The following MAST4 variants were observed in gnomAD, a reference collection of about 807,000 sequenced individuals.
MAST4 encodes the protein microtubule associated serine/threonine kinase family member 4.
Under a neutral mutation model 162.7 loss-of-function variants are expected in MAST4, and 89 were observed. The ratio of observed to expected loss-of-function variants is 0.55; its 90% CI spans 0.46 to 0.65. The LOEUF is 0.65. MAST4 is among the 30% of genes least tolerant of loss of function. MAST4 has a pLI of 0.00. For missense variants in MAST4, 3,153 were observed against 3,374.0 expected, an observed-to-expected ratio of 0.93 and a Z score of 1.62; for synonymous variants, 1,479 against 1,361.1, an observed-to-expected ratio of 1.09 and a Z score of -1.91.
intron 2 of MAST4, among the ~76,000 whole-genome samples, chr5:66,780,878 T>C (rs1754839870): frequency 1.3e-5 from 2 of 152,190 alleles, no homozygotes; most frequent in African/African-American, 4.8e-5. Flanking sequence ...CGCTGATTGG[T>C]GCGTTTACAA....
At chr5:66,955,375 T>C (rs75622213) in intron 4 of MAST4, among the ~76,000 whole-genome samples, 10,407 of 151,988 alleles carry the variant, frequency 0.068, 1,103 homozygotes, top group African/African-American at 0.23. Context: ...GGCAGGAGTG[T>C]GCTTGGTATA....
At chr5:66,649,450 C>T (rs1016192124) in intron 1 of MAST4, among the ~76,000 whole-genome samples, 2 of 152,174 alleles carry the variant, frequency 1.3e-5, no homozygotes, top group Non-Finnish European at 2.9e-5. Context: ...TACCCTCACC[C>T]TTTTGGTGTT....
At chr5:66,714,166 C>T (rs116096982) in intron 1 of MAST4, among the ~76,000 whole-genome samples, 5 of 152,296 alleles carry the variant, frequency 3.3e-5, no homozygotes, top group African/African-American at 1.2e-4. Flanking sequence ...AGATGACTCA[C>T]CCAAGCTGCT....
intron 19 of MAST4, among the ~76,000 whole-genome samples, chr5:67,137,198 G>A (rs1769771228): frequency 6.6e-6 from 1 of 152,098 alleles, no homozygotes. Flanking sequence ...TCAGCACCGT[G>A]ACCCAAGAAA....
intron 3 of MAST4, among the ~76,000 whole-genome samples, chr5:66,868,407 G>A (rs1250832596): frequency 1.3e-5 from 2 of 150,560 alleles, no homozygotes; most frequent in East Asian, 3.9e-4. Flanking sequence ...ATATATATAT[G>A]TGTGTATATG....
At chr5:67,143,701 C>T (rs960285089) in intron 21 of MAST4, among the ~76,000 whole-genome samples, 1 of 152,150 alleles carries the variant, frequency 6.6e-6, no homozygotes, top group Non-Finnish European at 1.5e-5. Flanking sequence ...TAAGGATTTC[C>T]CTGGAGAAGG....
intron 4 of MAST4, among the ~76,000 whole-genome samples, chr5:66,977,911 C>G (rs1748349708): frequency 6.6e-6 from 1 of 152,176 alleles, no homozygotes; most frequent in South Asian, 2.1e-4. Context: ...AACCTAGAAC[C>G]CAGTGATCAT....
At chr5:66,608,002 TTGAAA>T (rs1743004008) in intron 1 of MAST4, among the ~76,000 whole-genome samples, 1 of 152,168 alleles carries the variant, frequency 6.6e-6, no homozygotes, top group Non-Finnish European at 1.5e-5. Context: ...TGTATATATT[TTGAAA>T]TGAAATGATT....
At position 66,814,211 on chromosome 5, in the gene MAST4, C is replaced by G. The variant is rs538078852; in HGVS notation, c.642+25417C>G. Among the ~76,000 whole-genome samples the G allele has an allele frequency of 2.6e-5, 4 of 152,250 alleles. No individual in the cohort carries two copies. In the East Asian group the frequency reaches 5.8e-4, roughly 22 times the overall value. Reference sequence around the variant, plus strand: ...GTAACAAATTATGAAATCAGAATAACCTGTTTATGATCAACATGTACTTCA... The same window carrying G: ...GTAACAAATTATGAAATCAGAATAAGCTGTTTATGATCAACATGTACTTCA... On this transcript the variant is annotated intron_variant, in intron 3 of 28. Coordinates refer to ENST00000403625, the MANE Select transcript of MAST4 (RefSeq NM_001164664.2).
intron 3 of MAST4, among the ~76,000 whole-genome samples, chr5:66,790,732 A>G (rs947066692): frequency 1.3e-5 from 2 of 151,996 alleles, no homozygotes; most frequent in Non-Finnish European, 2.9e-5. Context: ...TAAAAGATAC[A>G]ATTAACCTGA....
intron 1 of MAST4, among the ~76,000 whole-genome samples, chr5:66,737,511 T>G (rs1254926696): frequency 6.6e-6 from 1 of 152,104 alleles, no homozygotes; most frequent in African/African-American, 2.4e-5. Flanking sequence ...ACCAAGGAAT[T>G]TGTCTGCCTA....
intron 1 of MAST4, among the ~76,000 whole-genome samples, chr5:66,740,436 G>T (rs1271042379): frequency 6.6e-6 from 1 of 152,220 alleles, no homozygotes; most frequent in Non-Finnish European, 1.5e-5. Context: ...GGAAAATGCT[G>T]TATTTTCTAC....
chr5:66,915,783 C>T (rs1245878338), intron 4 of MAST4, among the ~76,000 whole-genome samples: 1 of 152,210 alleles, frequency 6.6e-6, no homozygotes, highest in Non-Finnish European at 1.5e-5. Flanking sequence ...GGACACAGGT[C>T]CTCCTGCACT....
chr5:66,780,880 C>T (rs558488864), intron 2 of MAST4, among the ~76,000 whole-genome samples: 21 of 152,314 alleles, frequency 1.4e-4, no homozygotes, highest in African/African-American at 4.6e-4. Context: ...CTGATTGGTG[C>T]GTTTACAATC....
intron 3 of MAST4, among the ~76,000 whole-genome samples, chr5:66,813,417 A>G (rs1379956575): frequency 1.3e-5 from 2 of 152,226 alleles, no homozygotes; most frequent in Non-Finnish European, 2.9e-5. Context: ...AGACAAATGA[A>G]AGGAAACAGT....
chr5:67,046,044 A>G (rs1445311702), intron 4 of MAST4, among the ~76,000 whole-genome samples: 2 of 152,116 alleles, frequency 1.3e-5, no homozygotes, highest in African/African-American at 4.8e-5. Flanking sequence ...ATACACAAAT[A>G]CCATTGTGTT....
rs545000157 is a variant in MAST4, at chr5:67,004,270, T to TG, written c.675-50129dup. On this transcript the variant is annotated intron_variant, in intron 4 of 28. Coordinates refer to ENST00000403625, the MANE Select transcript of MAST4 (RefSeq NM_001164664.2). ...AGGCGCGGCCGGGGCTGGTGGGGGG[T>TG]GGGGGATGCAGGAAAGCTGGGGGCG... 2.9e-3 allele frequency among the ~76,000 whole-genome samples: 433 copies of TG among 149,374 alleles called. 1 individual carries two copies. The highest frequency in any genetic ancestry group is 0.01 in the African/African-American group (415 of 40,326).
intron 4 of MAST4, among the ~76,000 whole-genome samples, chr5:66,911,819 A>G (rs1378898867): frequency 5.3e-5 from 8 of 152,228 alleles, no homozygotes; most frequent in Admixed American, 5.2e-4. Context: ...ATAGATGTTT[A>G]TGTGAAGATG....
chr5:66,993,443 A>G (rs1206833731), intron 4 of MAST4, among the ~76,000 whole-genome samples: 1 of 152,218 alleles, frequency 6.6e-6, no homozygotes, highest in Non-Finnish European at 1.5e-5. Context: ...CTGTAAACAC[A>G]TAATTGTGCT....
Sources: allele counts gnomAD v4.1 joint callset (sites outside exome capture counted in the v4.1 genomes callset), GRCh38; gene constraint gnomAD v4.1.1; transcripts MANE v1.5; gene names NCBI Gene and HGNC (gene_info 2026-07-23, HGNC 2026-07-21).